Variants in PIK3CD observed in about 807,000 individuals in gnomAD.
PIK3CD encodes phosphatidylinositol 4,5-bisphosphate 3-kinase catalytic subunit delta isoform.
A neutral mutation model predicts 122.9 loss-of-function variants in PIK3CD; 20 were observed. The observed-to-expected ratio is 0.16, with a 90% CI of 0.11 to 0.24. The LOEUF is 0.24. Ranked by LOEUF, PIK3CD falls within the 10% of genes least tolerant of loss-of-function variation. The pLI is 1.00. For synonymous variants in PIK3CD, 596 were observed against 593.4 expected (o/e 1.00, Z -0.06); for missense variants, 787 against 1,406.3 (o/e 0.56, Z 7.04).
At chr1:9,641,027 C>T in the PIK3CD span, among the ~76,000 whole-genome samples, 4 of 152,194 alleles carry the variant, frequency 2.6e-5, no homozygotes, top group Admixed American at 1.3e-4. Flanking sequence ...GTTCTGTAGT[C>T]CCCCTTCCCC....
intron 2 of PIK3CD, among the ~76,000 whole-genome samples, chr1:9,705,523 C>CA (rs1353720326): frequency 6.6e-6 from 1 of 151,524 alleles, no homozygotes; most frequent in Non-Finnish European, 1.5e-5. Context: ...ACAGCAACAA[C>CA]AAAAAACCTT....
At position 9,710,603 on chromosome 1, in the gene PIK3CD, C is replaced by G. The variant is rs756131897; in HGVS notation, c.141+7C>G. ...CCTCAGCACCATCAAGCAGGTATGG[C>G]CTCCATCCGGTCCTCAGACCTTGGT... is the stretch of plus-strand genomic sequence containing the variant. On this transcript the variant is annotated splice_region_variant and intron_variant, in intron 3 of 23. Transcript: ENST00000377346. This position sits in a 1 kb window ranked among gnomAD's most constrained non-coding sequence, Gnocchi z 4.7. 12 of 1,613,356 alleles carry G rather than the reference C, an allele frequency of 7.4e-6. No individual in the cohort carries two copies. The highest frequency in any genetic ancestry group is 1.0e-5 in the Non-Finnish European group (12 of 1,179,856).
chr1:9,641,396 CT>C, the PIK3CD span, among the ~76,000 whole-genome samples: 1 of 152,174 alleles, frequency 6.6e-6, no homozygotes, highest in Non-Finnish European at 1.5e-5. Context: ...TCCCCCAGCC[CT>C]GGGTCAGAGG....
chr1:9,639,220 T>C, the PIK3CD span, among the ~76,000 whole-genome samples: 1 of 152,134 alleles, frequency 6.6e-6, no homozygotes, highest in African/African-American at 2.4e-5. Context: ...ACCATCTCTA[T>C]TCCTTCTCAT....
rs1646605170 is a variant in PIK3CD at position 9,700,996 on chromosome 1, C to A, written c.-33+9425C>A. Among the ~76,000 whole-genome samples the A allele has an allele frequency of 6.6e-6, 1 of 152,120 alleles. No individual in the cohort carries two copies. Among genetic ancestry groups the A allele is most frequent in the Non-Finnish European group, 1.5e-5 (1 of 68,016 alleles). ...GTGGCACCGGCCTCCTTCCCCTGCCCCCTACTCCCCTTCCTCCCTGCTTCT... is the reference window on the plus strand; with the variant it reads ...GTGGCACCGGCCTCCTTCCCCTGCCACCTACTCCCCTTCCTCCCTGCTTCT... On this transcript the variant is annotated intron_variant, in intron 2 of 23. Transcript: ENST00000377346. This position sits in a 1 kb window ranked among gnomAD's most constrained non-coding sequence, Gnocchi z 5.1.
intron 1 of PIK3CD, among the ~76,000 whole-genome samples, chr1:9,684,880 G>A (rs1224821163): frequency 6.7e-6 from 1 of 148,212 alleles, no homozygotes. Flanking sequence ...AAAGAAAAAA[G>A]AATGAGCAAT....
chr1:9,721,011 A>G lies in PIK3CD; in HGVS notation c.1689+102A>G. On this transcript the variant is annotated intron_variant, in intron 13 of 23. Transcript: ENST00000377346. ...CCAACCCCCACCCTCACCCTGGCCAACCTTCACCCTGACCCTGGCCACCCA... is the reference window on the plus strand; with the variant it reads ...CCAACCCCCACCCTCACCCTGGCCAGCCTTCACCCTGACCCTGGCCACCCA... 4 of 1,433,266 alleles carry G rather than the reference A, an allele frequency of 2.8e-6. No homozygotes were observed. In the South Asian group the frequency reaches 3.6e-5, roughly 13 times the overall value. 88.8% of individuals were successfully genotyped at this position (1,433,266 alleles called of 1,614,324 possible).
At chr1:9,721,106 C>A in intron 13 of PIK3CD, 21 bp from the exon 14 acceptor site, 3 of 1,606,844 alleles carry the variant, frequency 1.9e-6, no homozygotes, top group Admixed American at 1.7e-5. Flanking sequence ...CGCCCCCAAG[C>A]CTGACCTCGG....
chr1:9,661,377 G>A (rs1191956529), intron 1 of PIK3CD, among the ~76,000 whole-genome samples: 1 of 151,698 alleles, frequency 6.6e-6, no homozygotes, highest in Non-Finnish European at 1.5e-5. Flanking sequence ...ACTGTACCCA[G>A]CCAAGGATTT....
intron 1 of PIK3CD, among the ~76,000 whole-genome samples, chr1:9,677,311 G>A (rs2101077141): frequency 6.6e-6 from 1 of 152,236 alleles, no homozygotes; most frequent in East Asian, 1.9e-4. Context: ...GAAGGAAAGT[G>A]GAATTTGTAG....
chr1:9,655,737 G>A (rs1430321443), intron 1 of PIK3CD, among the ~76,000 whole-genome samples: 1 of 129,766 alleles, frequency 7.7e-6, no homozygotes, highest in Non-Finnish European at 1.5e-5. Flanking sequence ...TCGCTTTGTC[G>A]CCCAGGCTGG....
chr1:9,689,306 G>A lies in PIK3CD; in HGVS notation c.-137-2161G>A, dbSNP rs1646096162. 6.6e-6 allele frequency among the ~76,000 whole-genome samples: 1 copy of A among 152,030 alleles called. No homozygotes were observed. The highest frequency in any genetic ancestry group is 1.5e-5 in the Non-Finnish European group (1 of 67,944). ...GGTGCGAACCCCAAGGGCCCCGCCT[G>A]GCAGCGTCCTGGGCCTCCGGGCGAG... On this transcript the variant is annotated intron_variant, in intron 1 of 23. Coordinates refer to ENST00000377346, the MANE Select transcript of PIK3CD (RefSeq NM_005026.5). This position sits in a 1 kb window ranked among gnomAD's most constrained non-coding sequence, Gnocchi z 6.1.
At chr1:9,653,897 G>A (rs779119477) in intron 1 of PIK3CD, 18 of 1,367,154 alleles carry the variant, frequency 1.3e-5, no homozygotes, top group Non-Finnish European at 1.8e-5. Flanking sequence ...GGAGTGGGCT[G>A]GAGGAGTGCT....
chr1:9,715,499 G>T lies in PIK3CD; in HGVS notation c.142-42G>T. The stretch of plus-strand genomic sequence containing the variant: ...TCCCTCAGCCTCCCACCTCCCAGTG[G>T]CTGCCTTGGGTGGAGGGGCTGACCG... On this transcript the variant is annotated intron_variant, in intron 3 of 23. Transcript: ENST00000377346. This position sits in a 1 kb window ranked among gnomAD's most constrained non-coding sequence, Gnocchi z 4.1. 6.4e-7 allele frequency: 1 copy of T among 1,571,374 alleles called. No individual in the cohort carries two copies. The highest frequency in any genetic ancestry group is 8.7e-7 in the Non-Finnish European group (1 of 1,144,952).
chr1:9,688,401 T>G (rs1032562483), intron 1 of PIK3CD: 1 of 152,278 alleles, frequency 6.6e-6, no homozygotes, highest in Non-Finnish European at 1.5e-5. Flanking sequence ...AGCACCAAAC[T>G]AAACTGGTGC....
Position 9,717,764 on chromosome 1 carries a change from G to A in PIK3CD, c.1020+138G>A, listed in dbSNP as rs1647758520. Reference sequence around the variant, plus strand: ...ACATTACCCAGCATCCCTGCCTGGGGCGCTGTGAGCGGCTTGAAAACAGGA... The same window carrying A: ...ACATTACCCAGCATCCCTGCCTGGGACGCTGTGAGCGGCTTGAAAACAGGA... On this transcript the variant is annotated intron_variant, in intron 8 of 23. Transcript: ENST00000377346. This position sits in a 1 kb window ranked among gnomAD's most constrained non-coding sequence, Gnocchi z 5.4. The A allele has an allele frequency of 4.9e-6, 4 of 815,480 alleles. No homozygotes were observed. Among genetic ancestry groups the A allele is most frequent in the Non-Finnish European group, 2.0e-6 (1 of 493,510 alleles). 50.5% of individuals were successfully genotyped at this position (815,480 alleles called of 1,614,324 possible).
In PIK3CD at chr1:9,727,167, G is replaced by C; in HGVS notation, c.*121G>C. ...CTAACGGGAAAGAACCGACATGGCTGCCTTTTGTTTACACTGGTTATTTAT... is the reference window on the plus strand; with the variant it reads ...CTAACGGGAAAGAACCGACATGGCTCCCTTTTGTTTACACTGGTTATTTAT... On this transcript the variant is annotated 3_prime_UTR_variant, in exon 24 of 24. Transcript: ENST00000377346. 1 of 1,153,734 alleles carries C rather than the reference G, an allele frequency of 8.7e-7. No individual in the cohort carries two copies. The highest frequency in any genetic ancestry group is 1.3e-6 in the Non-Finnish European group (1 of 782,784). 71.5% of individuals were successfully genotyped at this position (1,153,734 alleles called of 1,614,324 possible).
intron 1 of PIK3CD, among the ~76,000 whole-genome samples, chr1:9,677,410 C>T (rs1016697824): frequency 1.3e-4 from 20 of 151,876 alleles, no homozygotes; most frequent in African/African-American, 4.4e-4. Context: ...CTTTGGGAGG[C>T]GGAGGCAGGC....
intron 1 of PIK3CD, among the ~76,000 whole-genome samples, chr1:9,675,752 G>T (rs1645509489): frequency 7.2e-6 from 1 of 138,338 alleles, no homozygotes; most frequent in African/African-American, 2.7e-5. Context: ...AGAGTTCCTT[G>T]TTTGTTTTTG....
Sources: allele counts gnomAD v4.1 joint callset (sites outside exome capture counted in the v4.1 genomes callset), GRCh38; gene constraint gnomAD v4.1.1; non-coding constraint Gnocchi (gnomAD v3.1); transcripts MANE v1.5; gene names NCBI Gene and HGNC (gene_info 2026-07-23, HGNC 2026-07-21).